CNTN3: variants seen among roughly 807,000 people sequenced by gnomAD.
CNTN3 encodes the protein contactin 3, also known as contactin-3.
CNTN3 carries 60 observed loss-of-function variants against 119.1 expected under a neutral mutation model. That is an observed-to-expected ratio of 0.50 (90% confidence interval 0.41 to 0.62). The LOEUF is 0.62. Ranked by LOEUF, CNTN3 falls within the 20% of genes least tolerant of loss-of-function variation. CNTN3 has a pLI of 0.00. For synonymous variants in CNTN3, 450 were observed against 438.7 expected, an observed-to-expected ratio of 1.03 and a Z score of -0.32; for missense variants, 1,101 against 1,242.4, an observed-to-expected ratio of 0.89 and a Z score of 1.71.
intron 5 of CNTN3, among the ~76,000 whole-genome samples, chr3:74,374,719 T>C (rs1160901578): frequency 6.6e-6 from 1 of 152,102 alleles, no homozygotes; most frequent in Non-Finnish European, 1.5e-5. Context: ...TTTCACCATC[T>C]CCATGGGCCA....
chr3:74,413,735 T>C (rs1478061338), intron 5 of CNTN3, among the ~76,000 whole-genome samples: 6 of 152,252 alleles, frequency 3.9e-5, no homozygotes, highest in African/African-American at 1.4e-4. Flanking sequence ...TACTGAAAAC[T>C]TCATGCATGA....
intron 5 of CNTN3, among the ~76,000 whole-genome samples, chr3:74,402,373 C>G (rs893632487): frequency 2.6e-5 from 4 of 152,162 alleles, no homozygotes; most frequent in African/African-American, 9.7e-5. Context: ...ATCATCTAAT[C>G]TTACAAAATG....
Position 74,299,891 on chromosome 3 carries a change from A to G in CNTN3, c.2143T>C (p.Ser715Pro). ...SEVNGGGGSR[S>P]ELVITWDPVP... Reference sequence around the variant, plus strand: ...ACATCCCAGGTTATCACAAGTTCAGACCGGCTTCCGCCTCCTCCATTGACT... The same window carrying G: ...ACATCCCAGGTTATCACAAGTTCAGGCCGGCTTCCGCCTCCTCCATTGACT... Residue 715 changes from serine to proline, a missense_variant, in exon 17 of 23, where the codon TCT becomes CCT. Physicochemically the swap from Ser to Pro is moderately conservative, Grantham distance 74. Coordinates refer to ENST00000263665, the MANE Select transcript of CNTN3 (RefSeq NM_020872.3). The G allele has an allele frequency of 6.2e-7, 1 of 1,606,850 alleles. No individual in the cohort carries two copies. Among genetic ancestry groups the G allele is most frequent in the Non-Finnish European group, 8.5e-7 (1 of 1,176,896 alleles).
At chr3:74,504,004 G>A (rs182353815) in intron 2 of CNTN3, among the ~76,000 whole-genome samples, 73 of 152,076 alleles carry the variant, frequency 4.8e-4, no homozygotes, top group East Asian at 1.8e-3. Flanking sequence ...AGATCAAACC[G>A]CAGACGATCA....
intron 19 of CNTN3, among the ~76,000 whole-genome samples, chr3:74,292,324 G>T (rs988931107): frequency 2.0e-5 from 3 of 152,150 alleles, no homozygotes; most frequent in Non-Finnish European, 4.4e-5. Flanking sequence ...CAGCACTTTG[G>T]GAGGCCAAGG....
intron 13 of CNTN3, among the ~76,000 whole-genome samples, chr3:74,320,434 C>T (rs868651340): frequency 2.2e-4 from 33 of 152,058 alleles, no homozygotes; most frequent in Middle Eastern, 3.4e-3. Context: ...AACCAAGCAC[C>T]GCATGTTCTC....
chr3:74,399,283 C>T (rs551142344), intron 5 of CNTN3, among the ~76,000 whole-genome samples: 20 of 152,210 alleles, frequency 1.3e-4, no homozygotes, highest in Admixed American at 1.3e-3. Context: ...TCCTGATCCT[C>T]CCCTTCCTCC....
chr3:74,590,402 A>G (rs1233043832), intron 1 of CNTN3, among the ~76,000 whole-genome samples: 1 of 152,106 alleles, frequency 6.6e-6, no homozygotes, highest in Non-Finnish European at 1.5e-5. Context: ...ACAATGGACC[A>G]AATGGTAAAC....
intron 1 of CNTN3, among the ~76,000 whole-genome samples, chr3:74,612,527 T>C (rs1007550330): frequency 1.3e-5 from 2 of 152,214 alleles, no homozygotes; most frequent in African/African-American, 4.8e-5. Flanking sequence ...GAGGAGGACA[T>C]GAGGCTGAAT....
At chr3:74,318,113 C>T (rs1575721535) in intron 13 of CNTN3, among the ~76,000 whole-genome samples, 1 of 152,346 alleles carries the variant, frequency 6.6e-6, no homozygotes, top group East Asian at 1.9e-4. Context: ...GATACCCTTT[C>T]TTCCAGTTGA....
At chr3:74,448,587 C>T (rs1342239821) in intron 4 of CNTN3, among the ~76,000 whole-genome samples, 1 of 152,112 alleles carries the variant, frequency 6.6e-6, no homozygotes, top group African/African-American at 2.4e-5. Context: ...TTTAGCTTGC[C>T]TACACACACC....
intron 4 of CNTN3, among the ~76,000 whole-genome samples, chr3:74,448,864 C>T (rs905433536): frequency 2.0e-5 from 3 of 152,116 alleles, no homozygotes; most frequent in Non-Finnish European, 4.4e-5. Flanking sequence ...ATATACCACA[C>T]ATTCATACTT....
intron 11 of CNTN3, among the ~76,000 whole-genome samples, chr3:74,355,118 T>C (rs530172476): frequency 1.7e-4 from 26 of 152,156 alleles, no homozygotes; most frequent in African/African-American, 5.5e-4. Context: ...ACTCAACCAA[T>C]CCCAAACTGA....
At chr3:74,404,987 A>C (rs143918829) in intron 5 of CNTN3, among the ~76,000 whole-genome samples, 282 of 152,094 alleles carry the variant, frequency 1.9e-3, no homozygotes, top group African/African-American at 6.0e-3. Context: ...CATAGACCAA[A>C]ATGAAAAGAA....
chr3:74,390,036 G>A (rs1704856717), intron 5 of CNTN3, among the ~76,000 whole-genome samples: 1 of 152,132 alleles, frequency 6.6e-6, no homozygotes, highest in Non-Finnish European at 1.5e-5. Context: ...CTTTTAAACT[G>A]ACCGCCCATT....
intron 11 of CNTN3, among the ~76,000 whole-genome samples, chr3:74,343,975 C>A (rs1409904135): frequency 1.3e-5 from 2 of 152,190 alleles, no homozygotes; most frequent in African/African-American, 4.8e-5. Flanking sequence ...CTTCACTCAT[C>A]CCAGCACTTG....
intron 19 of CNTN3, among the ~76,000 whole-genome samples, chr3:74,286,090 C>T (rs1702111640): frequency 6.6e-6 from 1 of 151,780 alleles, no homozygotes; most frequent in Admixed American, 6.6e-5. Context: ...TTGATAGGCA[C>T]AACTACAGTA....
Position 74,301,550 on chromosome 3 carries a change from A to G in CNTN3, c.1946-3T>C, listed in dbSNP as rs771627554. On this transcript the variant is annotated splice_polypyrimidine_tract_variant and splice_region_variant and intron_variant, in intron 15 of 22. Transcript: ENST00000263665. ...CTTCCCATCGATGACCTCAGGCACTACAAAGGAATATTTCAGAGGTAAGAG... is the reference window on the plus strand; with the variant it reads ...CTTCCCATCGATGACCTCAGGCACTGCAAAGGAATATTTCAGAGGTAAGAG... The G allele has an allele frequency of 6.2e-6, 10 of 1,613,636 alleles. No individual in the cohort carries two copies. Among genetic ancestry groups the G allele is most frequent in the African/African-American group, 1.3e-5 (1 of 74,922 alleles).
intron 5 of CNTN3, among the ~76,000 whole-genome samples, chr3:74,390,013 C>T (rs1278198692): frequency 2.0e-5 from 3 of 152,208 alleles, no homozygotes; most frequent in African/African-American, 4.8e-5. Context: ...CTTTGCCTTT[C>T]TTCAGATCTG....
Sources: allele counts gnomAD v4.1 joint callset (sites outside exome capture counted in the v4.1 genomes callset), GRCh38; gene constraint gnomAD v4.1.1; transcripts MANE v1.5; gene names NCBI Gene and HGNC (gene_info 2026-07-23, HGNC 2026-07-21).